The following SDK1 variants were observed in gnomAD, a reference collection of about 807,000 sequenced individuals.
The protein encoded by SDK1 is sidekick cell adhesion molecule 1.
SDK1 carries 157 observed loss-of-function variants against 245.5 expected under a neutral mutation model. That is an observed-to-expected ratio of 0.64 (90% confidence interval 0.56 to 0.73). The LOEUF is 0.73. Among genes scored for constraint, SDK1 ranks in the 30% least tolerant of loss-of-function variants. The pLI is 0.00. For synonymous variants in SDK1, 1,647 were observed against 1,278.5 expected, an observed-to-expected ratio of 1.29 and a Z score of -6.15; for missense variants, 3,583 against 3,002.3, an observed-to-expected ratio of 1.19 and a Z score of -4.52.
At chr7:3,767,899 A>C (rs968528440) in intron 4 of SDK1, among the ~76,000 whole-genome samples, 2 of 152,234 alleles carry the variant, frequency 1.3e-5, no homozygotes, top group African/African-American at 4.8e-5. Context: ...GCAAGGAGAG[A>C]TGATTATTGA....
chr7:3,727,400 C>T (rs1021717442), intron 4 of SDK1, among the ~76,000 whole-genome samples: 2 of 152,184 alleles, frequency 1.3e-5, no homozygotes, highest in African/African-American at 4.8e-5. Context: ...TAACGTTTGC[C>T]ATCAGCTTGT....
intron 30 of SDK1, among the ~76,000 whole-genome samples, chr7:4,151,521 G>A (rs923150170): frequency 6.6e-6 from 1 of 152,172 alleles, no homozygotes; most frequent in Admixed American, 6.5e-5. Flanking sequence ...TTAGGAAAAC[G>A]AGGCTGCAGC....
intron 4 of SDK1, among the ~76,000 whole-genome samples, chr7:3,737,451 G>C (rs1779349200): frequency 1.3e-5 from 2 of 152,354 alleles, no homozygotes; most frequent in Non-Finnish European, 1.5e-5. Context: ...GGTGGGGCTT[G>C]GCTTTCTGCC....
chr7:3,892,386 C>T (rs189118098), intron 5 of SDK1, among the ~76,000 whole-genome samples: 1 of 152,326 alleles, frequency 6.6e-6, no homozygotes, highest in East Asian at 1.9e-4. Context: ...GGGCCCTGCT[C>T]TTCTCATGCT....
chr7:3,852,079 A>T (rs996652360), intron 5 of SDK1, among the ~76,000 whole-genome samples: 1 of 152,172 alleles, frequency 6.6e-6, no homozygotes, highest in Non-Finnish European at 1.5e-5. Context: ...TGCTTTGTGC[A>T]GAGCAGCTTT....
chr7:4,233,470 A>G, intron 41 of SDK1, 51 bp downstream of exon 41: 1 of 1,461,250 alleles, frequency 6.8e-7, no homozygotes. Flanking sequence ...AGAGGGAGAA[A>G]TGGGGTCGAG....
At chr7:4,255,478 C>T (rs1787564773) in intron 44 of SDK1, among the ~76,000 whole-genome samples, 1 of 152,178 alleles carries the variant, frequency 6.6e-6, no homozygotes, top group South Asian at 2.1e-4. Context: ...CTGCTCCTCC[C>T]AGCGTGGGAC....
chr7:3,617,917 G>A (rs1781819575), intron 1 of SDK1, among the ~76,000 whole-genome samples: 1 of 152,176 alleles, frequency 6.6e-6, no homozygotes, highest in Non-Finnish European at 1.5e-5. Flanking sequence ...GTTTAAATGT[G>A]CAAGAAGTGA....
chr7:4,047,544 A>G (rs1244241101), intron 17 of SDK1, among the ~76,000 whole-genome samples: 1 of 152,216 alleles, frequency 6.6e-6, no homozygotes, highest in East Asian at 1.9e-4. Flanking sequence ...GAATTCATCC[A>G]TGAAATATGC....
chr7:4,060,491 TG>T (rs1359790138), intron 19 of SDK1, among the ~76,000 whole-genome samples: 1 of 152,062 alleles, frequency 6.6e-6, no homozygotes, highest in African/African-American at 2.4e-5. Context: ...TGGGGTTGTT[TG>T]TTTTTTTCTT....
intron 1 of SDK1, among the ~76,000 whole-genome samples, chr7:3,309,489 G>A (rs1452506968): frequency 6.8e-6 from 1 of 147,648 alleles, no homozygotes; most frequent in East Asian, 2.0e-4. Flanking sequence ...TCAAAACCAG[G>A]TAATAGAATA....
intron 5 of SDK1, among the ~76,000 whole-genome samples, chr7:3,850,207 T>C (rs1780383668): frequency 2.0e-5 from 3 of 152,188 alleles, no homozygotes; most frequent in Admixed American, 1.3e-4. Context: ...GGCACATGGC[T>C]TTGGCAAGCT....
chr7:3,970,360 G>A (rs979976752), intron 11 of SDK1, among the ~76,000 whole-genome samples: 3 of 152,166 alleles, frequency 2.0e-5, no homozygotes, highest in African/African-American at 2.4e-5. Flanking sequence ...ATGATCATGC[G>A]TTTAAAGGAA....
chr7:4,207,493 G>T (rs1156705492), intron 36 of SDK1, among the ~76,000 whole-genome samples: 1 of 152,180 alleles, frequency 6.6e-6, no homozygotes, highest in Non-Finnish European at 1.5e-5. Flanking sequence ...AGAGGAATGA[G>T]GCCTTCCCAG....
chr7:3,398,730 T>C (rs34731314), intron 1 of SDK1, among the ~76,000 whole-genome samples: 67,184 of 150,292 alleles, frequency 0.45, 17,168 homozygotes, highest in East Asian at 0.61. Context: ...GTAAAACTTA[T>C]GAAAGTGTAT....
chr7:4,098,365 C>T (rs1190518266), intron 22 of SDK1, among the ~76,000 whole-genome samples: 3 of 152,150 alleles, frequency 2.0e-5, no homozygotes, highest in South Asian at 2.1e-4. Flanking sequence ...CATATTTCCC[C>T]GTTCTTTCCG....
chr7:3,318,364 G>T (rs781401229), intron 1 of SDK1, among the ~76,000 whole-genome samples: 4 of 152,188 alleles, frequency 2.6e-5, no homozygotes, highest in Non-Finnish European at 5.9e-5. Flanking sequence ...TCACTTGTCT[G>T]TGTTTCAGGT....
chr7:4,167,755 G>A (rs1249134143), intron 32 of SDK1, among the ~76,000 whole-genome samples: 1 of 152,256 alleles, frequency 6.6e-6, no homozygotes, highest in Non-Finnish European at 1.5e-5. Flanking sequence ...GAAGGGCTGG[G>A]GACACGGGTC....
chr7:4,201,839 G>A (rs1167411423), intron 35 of SDK1, among the ~76,000 whole-genome samples: 1 of 152,116 alleles, frequency 6.6e-6, no homozygotes, highest in East Asian at 1.9e-4. Flanking sequence ...ATGGCATGGG[G>A]TGGCTTTGGC....
Sources: gnomAD v4.1 joint callset for allele counts (sites outside exome capture counted in the v4.1 genomes callset) on GRCh38, gnomAD v4.1.1 for gene constraint, MANE v1.5 for transcripts, NCBI Gene and HGNC (gene_info 2026-07-23, HGNC 2026-07-21) for gene names.